ANO8: variants seen among roughly 807,000 people sequenced by gnomAD.
ANO8 encodes the protein anoctamin 8.
A neutral mutation model predicts 120.4 loss-of-function variants in ANO8; 67 were observed. The ratio of observed to expected loss-of-function variants is 0.56; its 90% CI spans 0.46 to 0.68. ANO8 has a LOEUF of 0.68. Ranked by LOEUF, ANO8 falls within the 30% of genes least tolerant of loss-of-function variation. ANO8 has a pLI of 0.00. For synonymous variants in ANO8, 727 were observed against 759.2 expected, an observed-to-expected ratio of 0.96 and a Z score of 0.70; for missense variants, 1,526 against 1,737.6, an observed-to-expected ratio of 0.88 and a Z score of 2.16.
intron 12 of ANO8, chr19:17,329,265 C>A: frequency 2.5e-6 from 1 of 403,328 alleles, no homozygotes; most frequent in African/African-American, 2.1e-5. Context: ...GCCGCGTGCG[C>A]CCCCAGCCGC....
Position 17,333,920 on chromosome 19 carries a change from C to G in ANO8, c.107-120G>C. On this transcript the variant is annotated intron_variant, in intron 1 of 17. Transcript: ENST00000159087. This position sits in a 1 kb window ranked among gnomAD's most constrained non-coding sequence, Gnocchi z 7.2. The stretch of plus-strand genomic sequence containing the variant: ...CCACTCCACCTGGCATTCAAGGCCC[C>G]GGGAGCTCTGGGCTTGGCTTATTTT... The G allele has an allele frequency of 4.9e-6, 4 of 809,368 alleles. No homozygotes were observed. The highest frequency in any genetic ancestry group is 8.1e-6 in the Non-Finnish European group (4 of 494,192). The allele number at this position is 809,368 out of a possible 1,614,324, so 50.1% of individuals were successfully genotyped here.
chr19:17,323,837 T>C lies in ANO8; in HGVS notation c.3379A>G (p.Ser1127Gly). Residue 1127 changes from serine to glycine, a missense_variant, in exon 18 of 18, where the codon AGC becomes GGC. Physicochemically the swap from Ser to Gly is moderately conservative, Grantham distance 56 (BLOSUM62 0). Transcript: ENST00000159087. The part of the protein sequence containing the change: ...VGAPALRTRR[S>G]RSPAPPPPMP... ...GGCGGCGGCGGCGCGGGGCTCCGGC[T>C]GCGGCGGGTGCGGAGGGCAGGGGCG... The C allele has an allele frequency of 1.8e-6, 2 of 1,128,374 alleles. No individual in the cohort carries two copies. Among genetic ancestry groups the C allele is most frequent in the Non-Finnish European group, 2.2e-6 (2 of 921,742 alleles). The allele number at this position is 1,128,374 out of a possible 1,614,324, so 69.9% of individuals were successfully genotyped here.
chr19:17,328,621 C>T lies in ANO8; in HGVS notation c.1767G>A (p.Glu589=), dbSNP rs1480445232. 1.3e-6 allele frequency: 2 copies of T among 1,538,388 alleles called. No individual in the cohort carries two copies. Among genetic ancestry groups the T allele is most frequent in the Non-Finnish European group, 8.8e-7 (1 of 1,141,024 alleles). The change falls in exon 13 of 18, where the codon GAG becomes GAA. Residue 589 remains glutamate, a synonymous_variant. Transcript: ENST00000159087. ...GGKEEDEDDE[E]EEDEEEEEDE... is the part of the protein sequence containing the mutation. ...CCTCCTCTTCCTCCTCGTCCTCCTC[C>T]TCCTCGTCGTCCTCGTCCTCCTCCT...
chr19:17,331,610 T>C (rs959492440), intron 5 of ANO8, among the ~76,000 whole-genome samples, 199 bp from the exon 6 acceptor site: 1 of 151,516 alleles, frequency 6.6e-6, no homozygotes, highest in East Asian at 1.9e-4. Flanking sequence ...GCGGGGAGAA[T>C]GTAAAGGAAC....
Position 17,327,855 on chromosome 19 carries a change from A to G in ANO8, c.2252T>C (p.Met751Thr), listed in dbSNP as rs1258470659. 4 of 1,613,922 alleles carry G rather than the reference A, an allele frequency of 2.5e-6. No homozygotes were observed. In the Admixed American group the frequency reaches 5.0e-5, roughly 20 times the overall value. The part of the protein sequence containing the change: ...YEDTFQDYQE[M>T]FVQFGYVVLF... ...CACAACGTAGCCGAACTGCACGAAC[A>G]TCTCCTGGTAGTCCTGGAACGTGTC... Residue 751 changes from methionine to threonine, a missense_variant, in exon 14 of 18, where the codon ATG becomes ACG. Met to Thr is a moderately conservative substitution (Grantham distance 81, BLOSUM62 -1). This residue lies in a region of ANO8 where 77 missense variants were observed against 131.5 expected (regional missense o/e 0.59). Coordinates refer to ENST00000159087, the MANE Select transcript of ANO8 (RefSeq NM_020959.3).
chr19:17,333,335 C>T lies in ANO8; in HGVS notation c.350+87G>A. 1 of 1,606,116 alleles carries T rather than the reference C, an allele frequency of 6.2e-7. No individual in the cohort carries two copies. Among genetic ancestry groups the T allele is most frequent in the African/African-American group, 1.3e-5 (1 of 74,966 alleles). ...CACCTGGCAGCCTTTGGGACAAACG[C>T]AGGGCGGCTGGATAGCATGGTTGGC... On this transcript the variant is annotated intron_variant, in intron 3 of 17. Coordinates refer to ENST00000159087, the MANE Select transcript of ANO8 (RefSeq NM_020959.3). This position sits in a 1 kb window ranked among gnomAD's most constrained non-coding sequence, Gnocchi z 7.2.
chr19:17,326,284 T>C (rs1367406882), intron 16 of ANO8, among the ~76,000 whole-genome samples: 1 of 152,098 alleles, frequency 6.6e-6, no homozygotes. Flanking sequence ...GGCAGATTGC[T>C]TGAGGTTAGG....
At chr19:17,332,029 G>A (rs2074322938) in intron 5 of ANO8, among the ~76,000 whole-genome samples, 1 of 139,216 alleles carries the variant, frequency 7.2e-6, no homozygotes, top group African/African-American at 2.7e-5. Context: ...CTGCCTCCCG[G>A]GTTCAAGCGA....
chr19:17,329,846 C>G lies in ANO8; in HGVS notation c.1330-15G>C. 6.2e-7 allele frequency: 1 copy of G among 1,613,854 alleles called. No homozygotes were observed. On this transcript the variant is annotated splice_polypyrimidine_tract_variant and intron_variant, in intron 11 of 17. Coordinates refer to ENST00000159087, the MANE Select transcript of ANO8 (RefSeq NM_020959.3). ...ACAAACTGGAACTGCAGGAAGGAGG[C>G]AGGCGGTGGTCATCCTGCACCCCCA...
rs1568359128 is a variant in ANO8 at position 17,327,670 on chromosome 19, T to C, written c.2418+19A>G. On this transcript the variant is annotated intron_variant, in intron 14 of 17. Transcript: ENST00000159087. The stretch of plus-strand genomic sequence containing the variant: ...GGCTCCCTCTGGGCCTCAGCTCGGA[T>C]CTCTTGGCTTCCCCCCACCTGCCAC... 1 of 1,610,930 alleles carries C rather than the reference T, an allele frequency of 6.2e-7. No homozygotes were observed.
rs148270839 is a variant in ANO8 at position 17,327,868 on chromosome 19, C to T, written c.2239G>A (p.Asp747Asn). The T allele has an allele frequency of 3.0e-5, 48 of 1,613,488 alleles. No individual in the cohort carries two copies. The highest frequency in any genetic ancestry group is 6.7e-5 in the Admixed American group (4 of 59,958). ...AACTGCACGAACATCTCCTGGTAGT[C>T]CTGGAACGTGTCCTGCGAGTGGGCG... The part of the protein sequence containing the change: ...CMKKYEDTFQ[D>N]YQEMFVQFGY... The change falls in exon 14 of 18, where the codon GAC (aspartate) becomes AAC (asparagine). Residue 747 changes from aspartate (D) to asparagine (N), a missense_variant. Around this residue, in one of 8 missense-constraint regions of ANO8, gnomAD observed 467 missense variants for 425.8 expected, o/e 1.10. Coordinates refer to ENST00000159087, the MANE Select transcript of ANO8 (RefSeq NM_020959.3).
chr19:17,323,852 G>T lies in ANO8; in HGVS notation c.3364C>A (p.Leu1122Ile). 8.9e-7 allele frequency: 1 copy of T among 1,125,040 alleles called. No homozygotes were observed. 69.7% of individuals were successfully genotyped at this position (1,125,040 alleles called of 1,614,324 possible). A position where few individuals can be genotyped will look rare whatever the true frequency, so the allele number is the denominator to read the frequency against. Reference sequence around the variant, plus strand: ...GGGCTCCGGCTGCGGCGGGTGCGGAGGGCAGGGGCGCCCACGGGGGCCAGC... The same window carrying T: ...GGGCTCCGGCTGCGGCGGGTGCGGATGGCAGGGGCGCCCACGGGGGCCAGC... Reference protein sequence around the residue: ...TALAPVGAPALRTRRSRSPAP... With the variant: ...TALAPVGAPAIRTRRSRSPAP... The change falls in exon 18 of 18, where the codon CTC becomes ATC. Residue 1122 changes from leucine (L) to isoleucine (I), a missense_variant. By Grantham distance (5) the Leu-to-Ile change is conservative. Around this residue, in one of 8 missense-constraint regions of ANO8, gnomAD observed 489 missense variants for 548.6 expected, o/e 0.89. Transcript: ENST00000159087.
chr19:17,331,172 G>A lies in ANO8; in HGVS notation c.747C>T (p.Phe249=), dbSNP rs1156244218. 6.2e-7 allele frequency: 1 copy of A among 1,614,028 alleles called. No homozygotes were observed. Among genetic ancestry groups the A allele is most frequent in the Admixed American group, 1.7e-5 (1 of 59,996 alleles). Residue 249 remains phenylalanine (F), a synonymous_variant, in exon 7 of 18, where the codon TTC becomes TTT. Coordinates refer to ENST00000159087, the MANE Select transcript of ANO8 (RefSeq NM_020959.3). The part of the protein sequence containing the change: ...DYFGVKIAMY[F]AWLGFYTSAM... ...CCGACGTGTAGAAGCCCAGCCAGGC[G>A]AAGTACATGGCAATTTTCACACCAA...
In ANO8 at chr19:17,332,957, C is replaced by T. The variant is rs2074329892; in HGVS notation, c.559G>A (p.Val187Met). 1 of 1,614,166 alleles carries T rather than the reference C, an allele frequency of 6.2e-7. No homozygotes were observed. Residue 187 changes from valine (V) to methionine (M), a missense_variant, in exon 5 of 18, where the codon GTG becomes ATG. By Grantham distance (21) the Val-to-Met change is conservative. Coordinates refer to ENST00000159087, the MANE Select transcript of ANO8 (RefSeq NM_020959.3). ...RAKQGEALHNVRFLEDQPIIP... is the reference protein window; with the variant it reads ...RAKQGEALHNMRFLEDQPIIP... ...ATTGGCTGGTCCTCCAGGAAGCGCA[C>T]GTTGTGGAGTGCTTCTCCCTGCTTG...
chr19:17,332,985 A>C lies in ANO8; in HGVS notation c.531T>G (p.Arg177=), dbSNP rs1361437687. ...SIIRFWLQNL[R]AKQGEALHNV... ...TGTGGAGTGCTTCTCCCTGCTTGGC[A>C]CGCAAATTCTGCAGCCAGAAGCGGA... Residue 177 remains arginine (R), a synonymous_variant, in exon 5 of 18, where the codon CGT becomes CGG. Transcript: ENST00000159087. 5 of 1,614,132 alleles carry C rather than the reference A, an allele frequency of 3.1e-6. No homozygotes were observed. Among genetic ancestry groups the C allele is most frequent in the Non-Finnish European group, 4.2e-6 (5 of 1,180,034 alleles).
intron 16 of ANO8, 107 bp from the exon 17 acceptor site, chr19:17,325,493 A>C: frequency 7.0e-7 from 1 of 1,419,258 alleles, no homozygotes; most frequent in Non-Finnish European, 9.3e-7. Context: ...GGGAGACTTA[A>C]ATGCTTATTA....
In ANO8 at chr19:17,333,526, C is replaced by T. The variant is rs1157448273; in HGVS notation, c.246G>A (p.Trp82Ter). Residue 82 changes from tryptophan to a stop codon, truncating the protein, a stop_gained, in exon 3 of 18, where the codon TGG becomes TGA. Transcript: ENST00000159087. LOFTEE classifies it high-confidence loss of function. The surrounding 1 kb of genome is among the most constrained non-coding windows in gnomAD (Gnocchi z 7.2). ...PDTTDDHTLL[W>*]LLNHIRVGIP... ...TGCCCACGCGGATGTGGTTCAGCAG[C>T]CATAGCAGCGTGTGGTCATCGGTCG... 1 of 1,613,014 alleles carries T rather than the reference C, an allele frequency of 6.2e-7. No individual in the cohort carries two copies. Among genetic ancestry groups the T allele is most frequent in the East Asian group, 2.2e-5 (1 of 44,882 alleles).
chr19:17,331,437 C>G, intron 5 of ANO8, 26 bp from the exon 6 acceptor site: 1 of 1,600,422 alleles, frequency 6.2e-7, no homozygotes, highest in Non-Finnish European at 8.5e-7. Flanking sequence ...CACAGGTGAT[C>G]CCCGCCCCTC....
intron 16 of ANO8, 75 bp from the exon 17 acceptor site, chr19:17,325,461 C>G (rs2074268521): frequency 8.7e-6 from 13 of 1,494,782 alleles, no homozygotes; most frequent in Non-Finnish European, 1.2e-5. Flanking sequence ...CTGGTGCATG[C>G]CAGGGCTCTC....
Sources: gnomAD v4.1 joint callset for allele counts (sites outside exome capture counted in the v4.1 genomes callset) on GRCh38, gnomAD v4.1.1 for gene constraint, gnomAD v4.1.1 regional missense constraint, Gnocchi (gnomAD v3.1) non-coding constraint, MANE v1.5 for transcripts, NCBI Gene and HGNC (gene_info 2026-07-23, HGNC 2026-07-21) for gene names.